The following TTLL7 variants were observed in gnomAD, a reference collection of about 807,000 sequenced individuals.
TTLL7 encodes tubulin polyglutamylase TTLL7.
In TTLL7, 53 loss-of-function variants were observed where a neutral mutation model predicts 120.2. The ratio of observed to expected loss-of-function variants is 0.44; its 90% CI spans 0.35 to 0.55. The LOEUF (loss-of-function observed/expected upper bound fraction) is 0.55, where lower values mean the gene tolerates loss of function less well. Ranked by LOEUF, TTLL7 falls within the 20% of genes least tolerant of loss-of-function variation. TTLL7 has a pLI of 0.00. For missense variants in TTLL7, 803 were observed against 1,054.7 expected, an observed-to-expected ratio of 0.76 and a Z score of 3.31; for synonymous variants, 353 against 351.7, an observed-to-expected ratio of 1.00 and a Z score of -0.04.
chr1:83,936,970 A>G (rs1647450530), intron 8 of TTLL7, among the ~76,000 whole-genome samples: 1 of 152,150 alleles, frequency 6.6e-6, no homozygotes, highest in Admixed American at 6.6e-5. Flanking sequence ...CTGACACCTA[A>G]GGACCTTTGG....
chr1:83,892,499 CAT>C lies in TTLL7; in HGVS notation c.2209-2020_2209-2019del, dbSNP rs577255333. Among the ~76,000 whole-genome samples, 234 of 99,258 alleles carry C rather than the reference CAT, an allele frequency of 2.4e-3. 14 individuals are homozygous for C. The highest frequency in any genetic ancestry group is 6.5e-3 in the African/African-American group (172 of 26,564). 65.1% of individuals were successfully genotyped at this position (99,258 alleles called of 152,430 possible). ...ACATATGAATGAACATATATATGAA[CAT>C]ATGAATGAACATATATATGAACATA... On this transcript the variant is annotated intron_variant, in intron 18 of 20. Coordinates refer to ENST00000260505, the MANE Select transcript of TTLL7 (RefSeq NM_024686.6).
At chr1:83,890,893 G>C (rs968297266) in intron 18 of TTLL7, among the ~76,000 whole-genome samples, 1 of 152,072 alleles carries the variant, frequency 6.6e-6, no homozygotes, top group Admixed American at 6.6e-5. Flanking sequence ...TCAATATGTA[G>C]AGATTTCAAA....
intron 1 of TTLL7, among the ~76,000 whole-genome samples, chr1:83,998,265 G>C (rs1255311689): frequency 6.6e-6 from 1 of 152,160 alleles, no homozygotes; most frequent in East Asian, 1.9e-4. Context: ...ATATATAAAA[G>C]TAAGTGCCTA....
At position 83,933,735 on chromosome 1, in the gene TTLL7, T is replaced by A. The variant is rs1305125796; in HGVS notation, c.920A>T (p.Glu307Val). 1 of 1,612,122 alleles carries A rather than the reference T, an allele frequency of 6.2e-7. No homozygotes were observed. Among genetic ancestry groups the A allele is most frequent in the Non-Finnish European group, 8.5e-7 (1 of 1,179,206 alleles). Residue 307 changes from glutamate to valine, a missense_variant, in exon 9 of 21, where the codon GAA becomes GTA. Glu to Val is a moderately radical substitution (Grantham distance 121). Coordinates refer to ENST00000260505, the MANE Select transcript of TTLL7 (RefSeq NM_024686.6). Reference protein sequence around the residue: ...ELVVKTLIVAEPHVLHAYRMC... With the variant: ...ELVVKTLIVAVPHVLHAYRMC... ...TCGATAGGCATGCAGGACATGAGGT[T>A]CTGCTACAATCAGGGTCTTTACCAC...
rs141491616 is a variant in TTLL7, at chr1:83,928,104, T to C, written c.1142+1032A>G. Among the ~76,000 whole-genome samples, 110 of 152,276 alleles carry C rather than the reference T, an allele frequency of 7.2e-4. 3 individuals carry two copies. In the East Asian group the frequency reaches 0.019, roughly 26 times the overall value. On this transcript the variant is annotated intron_variant, in intron 10 of 20. Transcript: ENST00000260505. ...TTAAAAACACCAGAACACCCACAGA[T>C]AATGTCCTGAATTGATACCATAAAT...
At chr1:83,949,559 C>G (rs765984928) in intron 4 of TTLL7, 2 of 277,464 alleles carry the variant, frequency 7.2e-6, no homozygotes, top group East Asian at 2.3e-4. Context: ...ATCTCTTGAC[C>G]TCGTGATCCA....
intron 8 of TTLL7, among the ~76,000 whole-genome samples, chr1:83,936,169 C>A (rs1301972267): frequency 6.6e-6 from 1 of 152,066 alleles, no homozygotes; most frequent in Non-Finnish European, 1.5e-5. Flanking sequence ...TAGTCTTGCT[C>A]GTTTACCTTC....
intron 20 of TTLL7, among the ~76,000 whole-genome samples, chr1:83,878,413 T>C (rs1031864882): frequency 2.0e-5 from 3 of 151,974 alleles, no homozygotes; most frequent in Non-Finnish European, 4.4e-5. Context: ...TTTTTGTTTC[T>C]GTCAACTTTT....
Position 83,942,450 on chromosome 1 carries a change from T to G in TTLL7, c.723+13A>C, listed in dbSNP as rs1472531046. The G allele has an allele frequency of 1.3e-6, 2 of 1,590,796 alleles. No individual in the cohort carries two copies. The highest frequency in any genetic ancestry group is 3.3e-5 in the Admixed American group (2 of 59,934). ...AATGAATGAAAAGATAAGCTCTGTCTGGTATCACTTACCAAATTGGACTCA... is the reference window on the plus strand; with the variant it reads ...AATGAATGAAAAGATAAGCTCTGTCGGGTATCACTTACCAAATTGGACTCA... On this transcript the variant is annotated intron_variant, in intron 7 of 20. Transcript: ENST00000260505.
At chr1:83,872,882 ATGAAG>A (rs1653564635) in intron 20 of TTLL7, among the ~76,000 whole-genome samples, 1 of 152,200 alleles carries the variant, frequency 6.6e-6, no homozygotes, top group South Asian at 2.1e-4. Context: ...AATAAACTTC[ATGAAG>A]CATACAGGGG....
rs1014616726 is a variant in TTLL7 at position 83,865,265 on chromosome 1, C to A, written c.*4697G>T. 2.6e-5 allele frequency: 4 copies of A among 151,912 alleles called. No homozygotes were observed. Among genetic ancestry groups the A allele is most frequent in the Non-Finnish European group, 5.9e-5 (4 of 67,882 alleles). 9.4% of individuals were successfully genotyped at this position (151,912 alleles called of 1,614,324 possible). ...TATTGCTTTCAAGCTAATCCTCATA[C>A]CCAGAATCTGCAGCAAAACCATTAA... On this transcript the variant is annotated 3_prime_UTR_variant, in exon 21 of 21. Transcript: ENST00000260505.
intron 18 of TTLL7, among the ~76,000 whole-genome samples, chr1:83,892,446 G>A (rs62646651): frequency 0.1 from 4,408 of 42,150 alleles, 739 homozygotes; most frequent in African/African-American, 0.14. Context: ...ATGAACATAT[G>A]AATGAACATA....
rs1234154820 is a variant in TTLL7, at chr1:83,958,396, A to ACAAAAAATATATC, written c.-176-6022_-176-6010dup. On this transcript the variant is annotated intron_variant, in intron 1 of 20. Coordinates refer to ENST00000260505, the MANE Select transcript of TTLL7 (RefSeq NM_024686.6). ...AAAAAAGAGAAAAATAACAAATGTAACAAAAAATATATCCAAGTAAGCTTT... is the reference window on the plus strand; with the variant it reads ...AAAAAAGAGAAAAATAACAAATGTAACAAAAAATATATCCAAAAAATATATCCAAGTAAGCTTT... Among the ~76,000 whole-genome samples the ACAAAAAATATATC allele has an allele frequency of 9.2e-5, 14 of 152,338 alleles. No individual in the cohort carries two copies. In the East Asian group the frequency reaches 2.5e-3, roughly 27 times the overall value.
At chr1:83,968,844 C>T (rs1482700694) in intron 1 of TTLL7, among the ~76,000 whole-genome samples, 1 of 151,962 alleles carries the variant, frequency 6.6e-6, no homozygotes, top group Non-Finnish European at 1.5e-5. Flanking sequence ...CTAGAGAAGT[C>T]TCCCTTCAAT....
chr1:83,960,412 G>T (rs942218004), intron 1 of TTLL7, among the ~76,000 whole-genome samples: 2 of 152,162 alleles, frequency 1.3e-5, no homozygotes, highest in African/African-American at 4.8e-5. Context: ...TAAGGAGACA[G>T]AATTCTGCTA....
intron 7 of TTLL7, among the ~76,000 whole-genome samples, chr1:83,938,849 T>C (rs1647665108): frequency 6.6e-6 from 1 of 152,182 alleles, no homozygotes; most frequent in Non-Finnish European, 1.5e-5. Context: ...GAGAGAGCAA[T>C]GTTACATCAC....
chr1:83,930,207 A>G (rs971392608), intron 9 of TTLL7, among the ~76,000 whole-genome samples: 4 of 152,144 alleles, frequency 2.6e-5, no homozygotes, highest in African/African-American at 9.7e-5. Context: ...TTTTCTATGT[A>G]TACATATTTA....
At chr1:83,938,754 C>T in intron 7 of TTLL7, among the ~76,000 whole-genome samples, 1 of 152,156 alleles carries the variant, frequency 6.6e-6, no homozygotes, top group Admixed American at 6.5e-5. Flanking sequence ...TAATATATAT[C>T]TAATGGCTTT....
intron 1 of TTLL7, among the ~76,000 whole-genome samples, chr1:83,970,492 T>A (rs897717942): frequency 6.6e-6 from 1 of 152,102 alleles, no homozygotes; most frequent in Non-Finnish European, 1.5e-5. Context: ...TCCTAGAATC[T>A]TTTTTCCTAA....
Sources: allele counts gnomAD v4.1 joint callset (sites outside exome capture counted in the v4.1 genomes callset), GRCh38; gene constraint gnomAD v4.1.1; transcripts MANE v1.5; gene names NCBI Gene and HGNC (gene_info 2026-07-23, HGNC 2026-07-21).